RBFOX1: variants seen among roughly 807,000 people sequenced by gnomAD.
The protein encoded by RBFOX1 is RNA binding fox-1 homolog 1.
Under a neutral mutation model 57.7 loss-of-function variants are expected in RBFOX1, and 8 were observed. The ratio of observed to expected loss-of-function variants is 0.14; its 90% CI spans 0.08 to 0.25. The LOEUF is 0.25. Among genes scored for constraint, RBFOX1 ranks in the 10% least tolerant of loss-of-function variants. The pLI is 1.00. For synonymous variants in RBFOX1, 326 were observed against 222.4 expected (o/e 1.47, Z -4.15); for missense variants, 611 against 548.5 (o/e 1.11, Z -1.14).
At chr16:7,371,565 C>T (rs530288530) in intron 4 of RBFOX1, among the ~76,000 whole-genome samples, 3 of 152,268 alleles carry the variant, frequency 2.0e-5, no homozygotes, top group Non-Finnish European at 4.4e-5. Flanking sequence ...GCCTGGCCAA[C>T]ATGGTGAAAC....
At chr16:7,402,630 A>T (rs1307510530) in intron 4 of RBFOX1, among the ~76,000 whole-genome samples, 1 of 152,164 alleles carries the variant, frequency 6.6e-6, no homozygotes, top group Non-Finnish European at 1.5e-5. Context: ...GTGGCTTTCA[A>T]TGCTAAGTAT....
intron 3 of RBFOX1, among the ~76,000 whole-genome samples, chr16:6,873,258 A>G (rs77673528): frequency 0.06 from 9,158 of 152,136 alleles, 533 homozygotes; most frequent in East Asian, 0.22. Context: ...TTTTTAATTT[A>G]TACATTAGTT....
intron 2 of RBFOX1, among the ~76,000 whole-genome samples, chr16:5,472,796 G>T (rs1163732522): frequency 2.8e-4 from 42 of 152,150 alleles, no homozygotes; most frequent in Non-Finnish European, 2.9e-5. Context: ...ATTAGAGCAG[G>T]ATTTGCCATC....
intron 1 of RBFOX1, among the ~76,000 whole-genome samples, chr16:5,428,142 G>GTGTGTA (rs1488860566): frequency 6.6e-6 from 1 of 150,804 alleles, no homozygotes; most frequent in Non-Finnish European, 1.5e-5. Context: ...GTGTGTGTGT[G>GTGTGTA]TGTGTATGTG....
chr16:7,378,878 G>A (rs531425642), intron 4 of RBFOX1, among the ~76,000 whole-genome samples: 6 of 152,262 alleles, frequency 3.9e-5, no homozygotes, highest in South Asian at 2.1e-4. Context: ...TTATTAAGTG[G>A]CAATAACGAA....
At chr16:7,580,418 C>G (rs752886534) in intron 6 of RBFOX1, among the ~76,000 whole-genome samples, 59 of 152,180 alleles carry the variant, frequency 3.9e-4, no homozygotes, top group African/African-American at 2.2e-4. Flanking sequence ...CTGCATAAAG[C>G]TGATTTTAGC....
At chr16:5,466,384 G>C (rs1053069786) in intron 1 of RBFOX1, among the ~76,000 whole-genome samples, 2 of 152,102 alleles carry the variant, frequency 1.3e-5, no homozygotes, top group African/African-American at 4.8e-5. Flanking sequence ...GGCTGCATTT[G>C]GTGAGGGGAG....
At chr16:6,612,395 C>G (rs1173962146) in intron 2 of RBFOX1, among the ~76,000 whole-genome samples, 1 of 152,164 alleles carries the variant, frequency 6.6e-6, no homozygotes, top group Admixed American at 6.5e-5. Context: ...AATAAAAACA[C>G]ATATCATGTA....
intron 1 of RBFOX1, among the ~76,000 whole-genome samples, chr16:6,241,069 A>T (rs1335833456): frequency 1.3e-5 from 2 of 152,172 alleles, no homozygotes; most frequent in Non-Finnish European, 2.9e-5. Flanking sequence ...ATCTTTCATA[A>T]CTACTCAACT....
intron 3 of RBFOX1, among the ~76,000 whole-genome samples, chr16:5,749,665 T>C (rs986330474): frequency 7.9e-5 from 12 of 152,254 alleles, no homozygotes; most frequent in African/African-American, 2.9e-4. Flanking sequence ...AATCGGCTGC[T>C]GAAGCTTATG....
intron 4 of RBFOX1, among the ~76,000 whole-genome samples, chr16:7,183,292 C>T (rs1051185179): frequency 4.6e-5 from 7 of 152,088 alleles, no homozygotes; most frequent in East Asian, 1.9e-4. Flanking sequence ...ACAAGTGTAT[C>T]GTGCTTGTCA....
chr16:7,259,708 C>G (rs770507255), intron 4 of RBFOX1, among the ~76,000 whole-genome samples: 38 of 152,200 alleles, frequency 2.5e-4, no homozygotes, highest in Admixed American at 7.2e-4. Context: ...TTATACATCA[C>G]TCACTTAGTC....
At chr16:6,081,414 C>G (rs778466524) in intron 1 of RBFOX1, among the ~76,000 whole-genome samples, 3 of 152,110 alleles carry the variant, frequency 2.0e-5, no homozygotes, top group Non-Finnish European at 2.9e-5. Flanking sequence ...GTGAATTTGC[C>G]TACACATTTT....
At chr16:7,444,297 C>T (rs1432321631) in intron 4 of RBFOX1, among the ~76,000 whole-genome samples, 4 of 152,082 alleles carry the variant, frequency 2.6e-5, no homozygotes, top group Admixed American at 1.3e-4. Context: ...CTGGCTGGAA[C>T]AGAGTCCCTA....
chr16:5,600,454 C>T (rs1023438895), downstream of RBFOX1, among the ~76,000 whole-genome samples: 4 of 147,936 alleles, frequency 2.7e-5, no homozygotes, highest in Admixed American at 2.7e-4. Context: ...CCACTGCACT[C>T]CAGCCTGGGC....
At chr16:7,131,962 T>C (rs1170596004) in intron 4 of RBFOX1, among the ~76,000 whole-genome samples, 1 of 151,532 alleles carries the variant, frequency 6.6e-6, no homozygotes, top group Non-Finnish European at 1.5e-5. Context: ...TGGAGAACTT[T>C]AAAAAACATT....
At chr16:6,814,004 GT>G (rs1253022157) in intron 3 of RBFOX1, among the ~76,000 whole-genome samples, 2 of 150,892 alleles carry the variant, frequency 1.3e-5, no homozygotes, top group Non-Finnish European at 3.0e-5. Context: ...CTGAGGACCG[GT>G]TCAGTGATCT....
chr16:5,380,807 G>C lies in RBFOX1; in HGVS notation c.220-86409G>C, dbSNP rs139198447. ...CGCCTCTGTGATGAAAGGGACTTTT[G>C]CTTTGTGCCCTATGCACTTATATAT... On this transcript the variant is annotated intron_variant, in intron 1 of 2. Coordinates refer to the RBFOX1 transcript ENST00000585867. 2.7e-3 allele frequency among the ~76,000 whole-genome samples: 418 copies of C among 152,328 alleles called. 3 individuals are homozygous for C. Among genetic ancestry groups the C allele is most frequent in the African/African-American group, 8.9e-3 (370 of 41,568 alleles).
chr16:6,101,733 C>T (rs1430489143), intron 1 of RBFOX1, among the ~76,000 whole-genome samples: 1 of 152,098 alleles, frequency 6.6e-6, no homozygotes, highest in Non-Finnish European at 1.5e-5. Flanking sequence ...ACCAGCCTGG[C>T]CAACGTGGTG....
Sources: allele counts gnomAD v4.1 joint callset (sites outside exome capture counted in the v4.1 genomes callset), GRCh38; gene constraint gnomAD v4.1.1; transcripts MANE v1.5; gene names NCBI Gene and HGNC (gene_info 2026-07-23, HGNC 2026-07-21).